ASMTL: variants seen among roughly 807,000 people sequenced by gnomAD.
ASMTL encodes acetylserotonin O-methyltransferase like, also known as probable bifunctional dTTP/UTP pyrophosphatase/methyltransferase protein.
Under a neutral mutation model 60.3 loss-of-function variants are expected in ASMTL, and 57 were observed. The observed-to-expected ratio is 0.95, with a 90% CI of 0.76 to 1.18. ASMTL has a LOEUF of 1.18. ASMTL is among the 50% of genes most tolerant of loss of function. The probability of loss-of-function intolerance (pLI) is 0.00; values close to 1 mark genes in which losing one functional copy is unlikely to be tolerated. For missense variants in ASMTL, 981 were observed against 852.6 expected (o/e 1.15, Z -1.88); for synonymous variants, 419 against 373.0 (o/e 1.12, Z -1.42).
chrX:1,404,397 G>GTGGA (rs373976343), intron 12 of ASMTL, among the ~76,000 whole-genome samples: 1,908 of 150,128 alleles, frequency 0.013, 39 homozygotes, highest in African/African-American at 0.044. Flanking sequence ...GGGTAGGTAG[G>GTGGA]TGGATGGATG....
At chrX:1,453,261 C>T (rs2091440661), upstream of ASMTL, among the ~76,000 whole-genome samples, 1 of 147,202 alleles carries the variant, frequency 6.8e-6, no homozygotes, top group African/African-American at 2.5e-5. Context: ...CCAGGCCACA[C>T]CTCCTTGCCC....
intron 7 of ASMTL, among the ~76,000 whole-genome samples, chrX:1,426,909 G>A (rs1201101096): frequency 5.3e-5 from 8 of 152,018 alleles, no homozygotes; most frequent in African/African-American, 1.9e-4. Flanking sequence ...CTTGAACCCG[G>A]GAGGCAGAGG....
At chrX:1,452,284 G>T (rs768929799) in intron 1 of ASMTL, among the ~76,000 whole-genome samples, 1 of 137,326 alleles carries the variant, frequency 7.3e-6, no homozygotes, top group East Asian at 2.3e-4. Context: ...CCCATCCCTA[G>T]GGGGGGTCTC....
rs1227674581 is a variant in ASMTL, at chrX:1,427,971, C to T, written c.660G>A (p.Leu220=). The T allele has an allele frequency of 5.0e-6, 8 of 1,613,568 alleles. No individual in the cohort carries two copies. In the South Asian group the frequency reaches 8.8e-5, roughly 18 times the overall value. The part of the protein sequence containing the change: ...KLYYPPRPED[L]RRSVKHDSIP... ...TGGAGTCGTGCTTGACACTCCGCCG[C>T]AGGTCCTCCGGACGGGGCGGGTAGT... Residue 220 remains leucine, a synonymous_variant, in exon 7 of 13, where the codon CTG becomes CTA. Transcript: ENST00000381317.
At chrX:1,444,163 C>T (rs1360777401) in intron 1 of ASMTL, among the ~76,000 whole-genome samples, 3 of 151,868 alleles carry the variant, frequency 2.0e-5, no homozygotes, top group Non-Finnish European at 2.9e-5. Context: ...TCCGAGCCTG[C>T]GAGAAGCCCC....
intron 6 of ASMTL, among the ~76,000 whole-genome samples, chrX:1,431,638 T>C (rs1209751088): frequency 8.2e-4 from 115 of 140,786 alleles, no homozygotes; most frequent in African/African-American, 2.9e-3. Flanking sequence ...TATAAATATA[T>C]ATTATATAAT....
chrX:1,447,253 G>A (rs184615488), intron 1 of ASMTL, among the ~76,000 whole-genome samples: 1 of 152,322 alleles, frequency 6.6e-6, no homozygotes, highest in East Asian at 1.9e-4. Context: ...GATTCACAGA[G>A]CAGGAGCATT....
chrX:1,427,919 G>T lies in ASMTL; in HGVS notation c.712C>A (p.Leu238Ile), dbSNP rs1427832657. ...GAGCCGCCCCCCTCCACGTCACTGA[G>T]GTCTTCGAAGGTGTCCGCGGCCGGG... ...SIPAADTFED[L>I]SDVEGGGSEP... The change falls in exon 7 of 13, where the codon CTC becomes ATC. Residue 238 changes from leucine to isoleucine, a missense_variant. Coordinates refer to ENST00000381317, the MANE Select transcript of ASMTL (RefSeq NM_004192.4). 6.2e-7 allele frequency: 1 copy of T among 1,613,390 alleles called. No individual in the cohort carries two copies. Among genetic ancestry groups the T allele is most frequent in the South Asian group, 1.1e-5 (1 of 91,064 alleles).
chrX:1,443,475 G>A (rs756279880), intron 1 of ASMTL, among the ~76,000 whole-genome samples: 1 of 150,736 alleles, frequency 6.6e-6, no homozygotes, highest in Admixed American at 6.6e-5. Flanking sequence ...CCACCATCGT[G>A]GACACATGCC....
At position 1,403,472 on chromosome X, in the gene ASMTL, C is replaced by G; in HGVS notation, c.1663G>C (p.Val555Leu). ...TTCTCCTCATCCAGGAGCGTCTCCA[C>G]CAGCAGCAGGCCGGCCCCTGAGGGA... is the stretch of plus-strand genomic sequence containing the variant. Reference protein sequence around the residue: ...SCKPGAGLLLVETLLDEEKRV... With the variant: ...SCKPGAGLLLLETLLDEEKRV... The change falls in exon 13 of 13, where the codon GTG becomes CTG. Residue 555 changes from valine to leucine, a missense_variant. Coordinates refer to ENST00000381317, the MANE Select transcript of ASMTL (RefSeq NM_004192.4). 6.2e-7 allele frequency: 1 copy of G among 1,613,012 alleles called. No individual in the cohort carries two copies. The highest frequency in any genetic ancestry group is 8.5e-7 in the Non-Finnish European group (1 of 1,179,836).
At chrX:1,433,566 G>C (rs2090874261) in intron 5 of ASMTL, among the ~76,000 whole-genome samples, 1 of 150,838 alleles carries the variant, frequency 6.6e-6, no homozygotes, top group Non-Finnish European at 1.5e-5. Flanking sequence ...CGTCGTCCCA[G>C]CTACTCGGGA....
rs745883864 is a variant in ASMTL, at chrX:1,435,697, G to T, written c.335C>A (p.Ser112Tyr). Reference sequence around the variant, plus strand: ...CAGAGGCCAACATGGTGCTTACCGGGACAGCATCCTGTAGGCGTCCTGCTT... The same window carrying T: ...CAGAGGCCAACATGGTGCTTACCGGTACAGCATCCTGTAGGCGTCCTGCTT... ...VDKQDAYRML[S>Y]RLSGREHSVF... Residue 112 changes from serine to tyrosine, a missense_variant, in exon 4 of 13, where the codon TCC (serine) becomes TAC (tyrosine). By Grantham distance (144) the Ser-to-Tyr change is moderately radical. Transcript: ENST00000381317. 1.2e-6 allele frequency: 2 copies of T among 1,613,556 alleles called. No homozygotes were observed. Among genetic ancestry groups the T allele is most frequent in the South Asian group, 1.1e-5 (1 of 91,056 alleles).
intron 5 of ASMTL, among the ~76,000 whole-genome samples, chrX:1,432,756 G>C (rs1443056959): frequency 2.0e-5 from 3 of 152,098 alleles, no homozygotes; most frequent in East Asian, 3.8e-4. Context: ...TTGAACCCGG[G>C]AGGTGCAGGT....
At chrX:1,434,333 T>C (rs1456850471) in intron 5 of ASMTL, among the ~76,000 whole-genome samples, 15 of 151,274 alleles carry the variant, frequency 9.9e-5, no homozygotes, top group African/African-American at 3.4e-4. Context: ...CTATAAAAAA[T>C]ACAAAAATGA....
chrX:1,427,686 G>T, intron 7 of ASMTL, 48 bp downstream of exon 7: 4 of 1,549,072 alleles, frequency 2.6e-6, no homozygotes, highest in Non-Finnish European at 2.6e-6. Flanking sequence ...TAAGCCGAGT[G>T]TGTAGGCTCA....
intron 12 of ASMTL, among the ~76,000 whole-genome samples, chrX:1,411,990 T>G (rs1318683043): frequency 3.3e-5 from 5 of 151,818 alleles, no homozygotes; most frequent in African/African-American, 1.2e-4. Flanking sequence ...TTTTTGTGTT[T>G]GTTTTTAATA....
intron 11 of ASMTL, chrX:1,413,198 A>G (rs2090103242): frequency 3.9e-6 from 1 of 254,206 alleles, no homozygotes; most frequent in African/African-American, 2.2e-5. Context: ...CCCCATCTCT[A>G]CTAAAAATGC....
chrX:1,407,253 T>C (rs2089896351), intron 12 of ASMTL, among the ~76,000 whole-genome samples: 1 of 150,256 alleles, frequency 6.7e-6, no homozygotes, highest in South Asian at 2.1e-4. Flanking sequence ...GATGGATGGA[T>C]GGATAGATGG....
intron 11 of ASMTL, among the ~76,000 whole-genome samples, chrX:1,417,348 C>T (rs1364235580): frequency 1.3e-4 from 20 of 151,750 alleles, no homozygotes; most frequent in Middle Eastern, 3.4e-3. Context: ...CACACGGATG[C>T]ACACACATCA....
Sources: allele counts gnomAD v4.1 joint callset (sites outside exome capture counted in the v4.1 genomes callset), GRCh38; gene constraint gnomAD v4.1.1; transcripts MANE v1.5; gene names NCBI Gene and HGNC (gene_info 2026-07-23, HGNC 2026-07-21).